FOXA2: variants seen among roughly 807,000 people sequenced by gnomAD.
FOXA2 encodes hepatocyte nuclear factor 3-beta.
In FOXA2, 9 loss-of-function variants were observed where a neutral mutation model predicts 33.3. That is an observed-to-expected ratio of 0.27 (90% CI 0.16 to 0.47). The LOEUF (loss-of-function observed/expected upper bound fraction) is 0.47, where lower values mean the gene tolerates loss of function less well. FOXA2 is among the 20% of genes least tolerant of loss of function. The probability of loss-of-function intolerance (pLI) is 0.99; values close to 1 mark genes in which losing one functional copy is unlikely to be tolerated. For synonymous variants in FOXA2, 329 were observed against 289.4 expected (o/e 1.14, Z -1.39); for missense variants, 704 against 659.9 (o/e 1.07, Z -0.73).
rs1319864852 is a variant in FOXA2 at position 22,582,168 on chromosome 20, C to A, written c.1074G>T (p.Pro358=). The A allele has an allele frequency of 6.4e-6, 10 of 1,559,138 alleles. No homozygotes were observed. In the Admixed American group the frequency reaches 7.8e-5, roughly 12 times the overall value. ...CAGGCGGCAGGCCCGGGTGGTGGGG[C>A]GGGCCCAGCAGGTGGGCCGCGGCCT... is the stretch of plus-strand genomic sequence containing the variant. ...QQQAAAHLLG[P]PHHPGLPPEA... Residue 358 remains proline (P), a synonymous_variant, in exon 2 of 2, where the codon CCG becomes CCT. Coordinates refer to ENST00000419308, the MANE Select transcript of FOXA2 (RefSeq NM_021784.5).
chr20:22,582,805 G>T lies in FOXA2; in HGVS notation c.437C>A (p.Ala146Glu), dbSNP rs751374316. The change falls in exon 2 of 2, where the codon GCG (alanine) becomes GAG (glutamate). Residue 146 changes from alanine (A) to glutamate (E), a missense_variant. Around this residue, in one of 5 missense-constraint regions of FOXA2, gnomAD observed 304 missense variants for 251.7 expected, o/e 1.21. Coordinates refer to ENST00000419308, the MANE Select transcript of FOXA2 (RefSeq NM_021784.5). The part of the protein sequence containing the change: ...MNSMSPMYGQ[A>E]GLSRARDPKT... ...GGGGTCGCGGGCGCGGCTCAGGCCCGCCTGCCCGTACATGGGGCTCATGGA... is the reference window on the plus strand; with the variant it reads ...GGGGTCGCGGGCGCGGCTCAGGCCCTCCTGCCCGTACATGGGGCTCATGGA... 2.5e-6 allele frequency: 4 copies of T among 1,613,202 alleles called. No individual in the cohort carries two copies. Among genetic ancestry groups the T allele is most frequent in the Non-Finnish European group, 2.5e-6 (3 of 1,179,570 alleles).
In FOXA2 at chr20:22,584,400, T is replaced by G; in HGVS notation, c.-122A>C. ...CTCCCTCCCTCTCTCGCGCTCCCTCTCCCTGGGCTCCACTCCCTCTCTCTC... is the reference window on the plus strand; with the variant it reads ...CTCCCTCCCTCTCTCGCGCTCCCTCGCCCTGGGCTCCACTCCCTCTCTCTC... On this transcript the variant is annotated 5_prime_UTR_variant, in exon 1 of 2. Transcript: ENST00000419308. 6.9e-6 allele frequency: 4 copies of G among 579,438 alleles called. No individual in the cohort carries two copies. Among genetic ancestry groups the G allele is most frequent in the Middle Eastern group, 4.5e-4 (1 of 2,216 alleles). The allele number at this position is 579,438 out of a possible 1,614,324, so 35.9% of individuals were successfully genotyped here.
At chr20:22,584,840 T>C (rs1329108240), upstream of FOXA2, among the ~76,000 whole-genome samples, 1 of 151,990 alleles carries the variant, frequency 6.6e-6, no homozygotes, top group Admixed American at 6.5e-5. Context: ...AGCTCACACC[T>C]AGGTGAGAGG....
Position 22,584,433 on chromosome 20 carries a change from A to T in FOXA2, c.-155T>A. 2.2e-5 allele frequency: 10 copies of T among 457,002 alleles called. No individual in the cohort carries two copies. Among genetic ancestry groups the T allele is most frequent in the Middle Eastern group, 6.6e-4 (1 of 1,514 alleles). 28.3% of individuals were successfully genotyped at this position (457,002 alleles called of 1,614,324 possible). A position where few individuals can be genotyped will look rare whatever the true frequency, so the allele number is the denominator to read the frequency against. On this transcript the variant is annotated 5_prime_UTR_variant, in exon 1 of 2. Coordinates refer to ENST00000419308, the MANE Select transcript of FOXA2 (RefSeq NM_021784.5). ...CTCCACTCCCTCTCTCTCCCTGGGC[A>T]GGCCGGAGGCGGTAGTTGGAAGTGG...
Position 22,582,002 on chromosome 20 carries a change from C to G in FOXA2, c.1240G>C (p.Val414Leu). The change falls in exon 2 of 2, where the codon GTG (valine) becomes CTG (leucine). Residue 414 changes from valine (V) to leucine (L), a missense_variant. Val to Leu is a conservative substitution (Grantham distance 32). Around this residue, in one of 5 missense-constraint regions of FOXA2, gnomAD observed 343 missense variants for 274.8 expected, o/e 1.25. Transcript: ENST00000419308. ...GAACCGTAGCCGGGGTAGTGCATCACCTGTTCGTAGGCCTTGAGGTCCATT... is the reference window on the plus strand; with the variant it reads ...GAACCGTAGCCGGGGTAGTGCATCAGCTGTTCGTAGGCCTTGAGGTCCATT... ...HKMDLKAYEQ[V>L]MHYPGYGSPM... 6.2e-7 allele frequency: 1 copy of G among 1,614,176 alleles called. No homozygotes were observed. The highest frequency in any genetic ancestry group is 8.5e-7 in the Non-Finnish European group (1 of 1,180,022).
chr20:22,583,093 A>G lies in FOXA2; in HGVS notation c.149T>C (p.Met50Thr). Reference protein sequence around the residue: ...GLGMNGMNTYMSMSAAAMGSG... With the variant: ...GLGMNGMNTYTSMSAAAMGSG... Reference sequence around the variant, plus strand: ...GCCCATGGCGGCCGCCGACATGCTCATGTACGTGTTCATGCCGTTCATCCC... The same window carrying G: ...GCCCATGGCGGCCGCCGACATGCTCGTGTACGTGTTCATGCCGTTCATCCC... Residue 50 changes from methionine (M) to threonine (T), a missense_variant, in exon 2 of 2, where the codon ATG (methionine) becomes ACG (threonine). Around this residue, in one of 5 missense-constraint regions of FOXA2, gnomAD observed 304 missense variants for 251.7 expected, o/e 1.21. Coordinates refer to ENST00000419308, the MANE Select transcript of FOXA2 (RefSeq NM_021784.5). The G allele has an allele frequency of 1.2e-6, 2 of 1,609,096 alleles. No homozygotes were observed. Among genetic ancestry groups the G allele is most frequent in the Non-Finnish European group, 1.7e-6 (2 of 1,179,836 alleles).
chr20:22,584,313 C>T lies in FOXA2; in HGVS notation c.-35G>A. On this transcript the variant is annotated 5_prime_UTR_variant, in exon 1 of 2. Coordinates refer to ENST00000419308, the MANE Select transcript of FOXA2 (RefSeq NM_021784.5). ...AAATTTAACAGCCACAACAAACGACCAGCAATCACCCCCCACCCCCACCCT... is the reference window on the plus strand; with the variant it reads ...AAATTTAACAGCCACAACAAACGACTAGCAATCACCCCCCACCCCCACCCT... 1 of 1,561,572 alleles carries T rather than the reference C, an allele frequency of 6.4e-7. No homozygotes were observed. The highest frequency in any genetic ancestry group is 1.7e-5 in the Admixed American group (1 of 59,408).
rs747926313 is a variant in FOXA2, at chr20:22,582,884, C to A, written c.358G>T (p.Gly120Trp). Reference protein sequence around the residue: ...PHLSPSLSPLGGQAAGAMGGL... With the variant: ...PHLSPSLSPLWGQAAGAMGGL... ...CCCATGGCCCCGGCCGCCTGCCCCCCGAGCGGGCTCAGGCTGGGACTCAAG... is the reference window on the plus strand; with the variant it reads ...CCCATGGCCCCGGCCGCCTGCCCCCAGAGCGGGCTCAGGCTGGGACTCAAG... Residue 120 changes from glycine (G) to tryptophan (W), a missense_variant, in exon 2 of 2, where the codon GGG (glycine) becomes TGG (tryptophan). This residue lies in a region of FOXA2 where 304 missense variants were observed against 251.7 expected (regional missense o/e 1.21). Transcript: ENST00000419308. 1 of 1,573,928 alleles carries A rather than the reference C, an allele frequency of 6.4e-7. No homozygotes were observed. The highest frequency in any genetic ancestry group is 8.6e-7 in the Non-Finnish European group (1 of 1,163,662).
chr20:22,582,930 G>GC lies in FOXA2; in HGVS notation c.311dup (p.Val105ArgfsTer140). On this transcript the variant is annotated frameshift_variant, in exon 2 of 2. Transcript: ENST00000419308. LOFTEE classifies it high-confidence loss of function. ...TCAAGTGCGGCCCCATGCCCGCCAC[G>GC]CCGGCCGCCCCGGCCGAGCCGCCCA... 1 of 1,523,664 alleles carries GC rather than the reference G, an allele frequency of 6.6e-7. No homozygotes were observed. Among genetic ancestry groups the GC allele is most frequent in the Non-Finnish European group, 8.8e-7 (1 of 1,140,802 alleles). The allele number at this position is 1,523,664 out of a possible 1,614,324, so 94.4% of individuals were successfully genotyped here. A position where few individuals can be genotyped will look rare whatever the true frequency, so the allele number is the denominator to read the frequency against.
chr20:22,584,095 G>T, intron 1 of FOXA2, 97 bp downstream of exon 1: 1 of 1,202,592 alleles, frequency 8.3e-7, no homozygotes, highest in Non-Finnish European at 1.2e-6. Context: ...GGGTTGTGGG[G>T]CGGGGTGGGG....
rs536752861 is a variant in FOXA2, at chr20:22,582,425, C to T, written c.817G>A (p.Ala273Thr). The change falls in exon 2 of 2, where the codon GCA (alanine) becomes ACA (threonine). Residue 273 changes from alanine (A) to threonine (T), a missense_variant. Ala to Thr is a moderately conservative substitution (Grantham distance 58). Transcript: ENST00000419308. Reference sequence around the variant, plus strand: ...TTCTTGCCGCTGCCGGCGGCGCCTGCGGCCTCCTTCAGCGCCAGCTGCTTC... The same window carrying T: ...TTCTTGCCGCTGCCGGCGGCGCCTGTGGCCTCCTTCAGCGCCAGCTGCTTC... ...CEKQLALKEA[A>T]GAAGSGKKAA... 2.5e-6 allele frequency: 4 copies of T among 1,587,130 alleles called. No individual in the cohort carries two copies. The African/African-American group carries it at 4.1e-5, about 16-fold the overall frequency.
chr20:22,582,153 G>A lies in FOXA2; in HGVS notation c.1089C>T (p.Gly363=), dbSNP rs1568715872. 4 of 1,567,826 alleles carry A rather than the reference G, an allele frequency of 2.6e-6. No individual in the cohort carries two copies. In the South Asian group the frequency reaches 3.5e-5, roughly 14 times the overall value. Residue 363 remains glycine (G), a synonymous_variant, in exon 2 of 2, where the codon GGC becomes GGT. Coordinates refer to ENST00000419308, the MANE Select transcript of FOXA2 (RefSeq NM_021784.5). ...AHLLGPPHHP[G]LPPEAHLKPE... ...GCTTCAGGTGGGCCTCAGGCGGCAG[G>A]CCCGGGTGGTGGGGCGGGCCCAGCA...
intron 1 of FOXA2, among the ~76,000 whole-genome samples, chr20:22,583,565 C>A (rs946309285): frequency 1.2e-4 from 18 of 152,252 alleles, no homozygotes; most frequent in African/African-American, 4.1e-4. Context: ...AAGCAACCTG[C>A]GGGACAACGC....
upstream of FOXA2, chr20:22,585,211 A>G (rs1984735061): frequency 6.6e-6 from 1 of 152,254 alleles, no homozygotes; most frequent in African/African-American, 2.4e-5. Context: ...TCTCTGTCAA[A>G]ACAGCAAGTC....
chr20:22,582,273 C>T lies in FOXA2; in HGVS notation c.969G>A (p.Gly323=). ...GCGTCCCCTTCAGCTCTCCCAGGCC[C>T]CCTCGCTTGTGCTCCTGGCACGGGG... The part of the protein sequence containing the change: ...SASPCQEHKR[G]GLGELKGTPA... The change falls in exon 2 of 2, where the codon GGG becomes GGA. Residue 323 remains glycine, a synonymous_variant. Transcript: ENST00000419308. The T allele has an allele frequency of 2.0e-6, 3 of 1,467,352 alleles. No homozygotes were observed. Among genetic ancestry groups the T allele is most frequent in the Admixed American group, 5.3e-5 (2 of 37,860 alleles). The allele number at this position is 1,467,352 out of a possible 1,614,324, so 90.9% of individuals were successfully genotyped here.
At position 22,584,236 on chromosome 20, in the gene FOXA2, C is replaced by T; in HGVS notation, c.43G>A (p.Gly15Arg). The T allele has an allele frequency of 6.2e-7, 1 of 1,613,992 alleles. No individual in the cohort carries two copies. The highest frequency in any genetic ancestry group is 8.5e-7 in the Non-Finnish European group (1 of 1,179,990). Reference sequence around the variant, plus strand: ...CTGCTCCAGTCGGACGGCTCGTGCCCTTCCATCTTCACCGCTCCCAGCATA... The same window carrying T: ...CTGCTCCAGTCGGACGGCTCGTGCCTTTCCATCTTCACCGCTCCCAGCATA... ...SSMLGAVKME[G>R]HEPSDWSSYY... Residue 15 changes from glycine (G) to arginine (R), a missense_variant, in exon 1 of 2, where the codon GGG (glycine) becomes AGG (arginine). Coordinates refer to ENST00000419308, the MANE Select transcript of FOXA2 (RefSeq NM_021784.5).
At position 22,581,482 on chromosome 20, in the gene FOXA2, G is replaced by C. The variant is rs992442502; in HGVS notation, c.*368C>G. The C allele has an allele frequency of 1.4e-4, 23 of 168,326 alleles. No individual in the cohort carries two copies. Among genetic ancestry groups the C allele is most frequent in the Non-Finnish European group, 2.5e-4 (20 of 81,502 alleles). The allele number at this position is 168,326 out of a possible 1,614,324, so 10.4% of individuals were successfully genotyped here. On this transcript the variant is annotated 3_prime_UTR_variant, in exon 2 of 2. Transcript: ENST00000419308. ...AAAATTTTTTTTTTTTTTTAAGTAA[G>C]ACTTCCCTGCAACAACAGCAATGGA...
chr20:22,581,976 G>A lies in FOXA2; in HGVS notation c.1266C>T (p.Ser422=). The stretch of plus-strand genomic sequence containing the variant: ...CCATGGCCAAGCTGCCAGGCATGGG[G>A]GAACCGTAGCCGGGGTAGTGCATCA... The part of the protein sequence containing the change: ...EQVMHYPGYG[S]PMPGSLAMGP... Residue 422 remains serine (S), a synonymous_variant, in exon 2 of 2, where the codon TCC becomes TCT. Transcript: ENST00000419308. 2 of 1,613,714 alleles carry A rather than the reference G, an allele frequency of 1.2e-6. No individual in the cohort carries two copies. Among genetic ancestry groups the A allele is most frequent in the Non-Finnish European group, 1.7e-6 (2 of 1,179,600 alleles).
At position 22,583,008 on chromosome 20, in the gene FOXA2, G is replaced by A; in HGVS notation, c.234C>T (p.Gly78=). Reference sequence around the variant, plus strand: ...ACATCCCCGCCAGGGACGGGCTCATGCCAGCGCCCACGTACGACGACATGT... The same window carrying A: ...ACATCCCCGCCAGGGACGGGCTCATACCAGCGCCCACGTACGACGACATGT... The part of the protein sequence containing the change: ...SMNMSSYVGA[G]MSPSLAGMSP... Residue 78 remains glycine, a synonymous_variant, in exon 2 of 2, where the codon GGC becomes GGT. Coordinates refer to ENST00000419308, the MANE Select transcript of FOXA2 (RefSeq NM_021784.5). 1 of 1,608,732 alleles carries A rather than the reference G, an allele frequency of 6.2e-7. No homozygotes were observed. Among genetic ancestry groups the A allele is most frequent in the South Asian group, 1.1e-5 (1 of 91,058 alleles).
Sources: allele counts gnomAD v4.1 joint callset (sites outside exome capture counted in the v4.1 genomes callset), GRCh38; gene constraint gnomAD v4.1.1; regional missense constraint gnomAD v4.1.1; transcripts MANE v1.5; gene names NCBI Gene and HGNC (gene_info 2026-07-23, HGNC 2026-07-21).